Variants in ZNF280D observed in about 807,000 individuals in gnomAD.
ZNF280D encodes the protein suppressor of hairy wing homolog 4.
A neutral mutation model predicts 94.7 loss-of-function variants in ZNF280D; 39 were observed. The observed-to-expected ratio is 0.41, with a 90% CI of 0.32 to 0.54. The LOEUF (loss-of-function observed/expected upper bound fraction) is 0.54. Among genes scored for constraint, ZNF280D ranks in the 20% least tolerant of loss-of-function variants. The probability of loss-of-function intolerance (pLI) is 0.22; values close to 1 mark genes in which losing one functional copy is unlikely to be tolerated. For synonymous variants in ZNF280D, 398 were observed against 377.6 expected (o/e 1.05, Z -0.63); for missense variants, 1,090 against 1,149.3 (o/e 0.95, Z 0.75).
rs371212506 is a variant in ZNF280D at position 56,722,477 on chromosome 15, A to G, written c.-86+10981T>C. 1.4e-4 allele frequency among the ~76,000 whole-genome samples: 22 copies of G among 152,352 alleles called. No individual in the cohort carries two copies. The East Asian group carries it at 3.9e-3, about 27-fold the overall frequency. ...TCCCCTGAAAAATTATGTCTACAGCATTATTCATAATAGCCAAAAAAGCAG... is the reference window on the plus strand; with the variant it reads ...TCCCCTGAAAAATTATGTCTACAGCGTTATTCATAATAGCCAAAAAAGCAG... On this transcript the variant is annotated intron_variant, in intron 1 of 21. Coordinates refer to ENST00000267807, the MANE Select transcript of ZNF280D (RefSeq NM_017661.4).
At chr15:56,656,988 T>C (rs1236583354) in intron 17 of ZNF280D, among the ~76,000 whole-genome samples, 2 of 152,088 alleles carry the variant, frequency 1.3e-5, no homozygotes, top group Non-Finnish European at 1.5e-5. Context: ...AAACTAGGCA[T>C]AGGAAATAAT....
chr15:56,631,896 C>T lies in ZNF280D; in HGVS notation c.2542G>A (p.Glu848Lys). The change falls in exon 22 of 22, where the codon GAA becomes AAA. Residue 848 changes from glutamate (E) to lysine (K), a missense_variant. Physicochemically the swap from Glu to Lys is moderately conservative, Grantham distance 56. Around this residue, in one of 3 missense-constraint regions of ZNF280D, gnomAD observed 577 missense variants for 568.8 expected, o/e 1.01. Transcript: ENST00000267807. The part of the protein sequence containing the change: ...KKKQIQHVCQ[E>K]MELKMCQSSE... ...CTTTGGCACATCTTCAACTCCATTTCCTGACAAACGTGTTGTATTTGTTTT... is the reference window on the plus strand; with the variant it reads ...CTTTGGCACATCTTCAACTCCATTTTCTGACAAACGTGTTGTATTTGTTTT... 1 of 1,613,762 alleles carries T rather than the reference C, an allele frequency of 6.2e-7. No individual in the cohort carries two copies. Among genetic ancestry groups the T allele is most frequent in the Non-Finnish European group, 8.5e-7 (1 of 1,179,994 alleles).
At chr15:56,698,921 C>T (rs2056902556) in intron 6 of ZNF280D, 1 of 152,148 alleles carries the variant, frequency 6.6e-6, no homozygotes, top group Non-Finnish European at 1.5e-5. Flanking sequence ...TCAGATGAAA[C>T]TGCAACTTCA....
intron 1 of ZNF280D, among the ~76,000 whole-genome samples, chr15:56,719,263 G>A (rs190123553): frequency 5.2e-4 from 79 of 152,026 alleles, no homozygotes; most frequent in African/African-American, 1.9e-3. Context: ...CTCACCAATG[G>A]CTTGGTGCTG....
At chr15:56,663,432 G>C (rs964763036) in intron 16 of ZNF280D, among the ~76,000 whole-genome samples, 2 of 152,150 alleles carry the variant, frequency 1.3e-5, no homozygotes, top group African/African-American at 4.8e-5. Flanking sequence ...GTTAGTACGG[G>C]ATAGGAATTA....
intron 10 of ZNF280D, among the ~76,000 whole-genome samples, chr15:56,681,359 G>A (rs550891046): frequency 3.1e-4 from 47 of 152,210 alleles, no homozygotes; most frequent in African/African-American, 1.1e-3. Context: ...CAAACACAAT[G>A]CAGATTACCT....
At position 56,631,292 on chromosome 15, in the gene ZNF280D, A is replaced by G. The variant is rs2052058304; in HGVS notation, c.*206T>C. On this transcript the variant is annotated 3_prime_UTR_variant, in exon 22 of 22. Coordinates refer to ENST00000267807, the MANE Select transcript of ZNF280D (RefSeq NM_017661.4). ...ATTAAAATCCTGTTCGTGTTTTTAA[A>G]AACTTTTTGGGAATCCCTACTAATC... The G allele has an allele frequency of 4.0e-6, 2 of 499,008 alleles. No individual in the cohort carries two copies. Among genetic ancestry groups the G allele is most frequent in the South Asian group, 8.5e-5 (2 of 23,626 alleles). The allele number at this position is 499,008 out of a possible 1,614,324, so 30.9% of individuals were successfully genotyped here.
chr15:56,692,442 T>A (rs2056476676), intron 7 of ZNF280D, among the ~76,000 whole-genome samples: 1 of 152,066 alleles, frequency 6.6e-6, no homozygotes, highest in Non-Finnish European at 1.5e-5. Context: ...AGTAACTGCC[T>A]TGATTACAGG....
intron 1 of ZNF280D, chr15:56,724,939 T>A (rs1384679768): frequency 2.2e-6 from 1 of 451,368 alleles, no homozygotes; most frequent in Admixed American, 2.4e-5. Context: ...ATGAAGGCCT[T>A]TCTAGCAGCA....
intron 20 of ZNF280D, 187 bp from the exon 21 acceptor site, chr15:56,635,437 T>C (rs1202297499): frequency 5.3e-6 from 1 of 188,792 alleles, no homozygotes; most frequent in Non-Finnish European, 1.1e-5. Flanking sequence ...TTTGAAAATG[T>C]TTTTAAACCT....
chr15:56,645,316 T>C (rs2052826595), intron 19 of ZNF280D: 1 of 152,180 alleles, frequency 6.6e-6, no homozygotes, highest in African/African-American at 2.4e-5. Flanking sequence ...TATAGTGTAG[T>C]ATTTATAGCA....
intron 17 of ZNF280D, among the ~76,000 whole-genome samples, chr15:56,655,064 T>C (rs571074233): frequency 6.6e-6 from 1 of 152,312 alleles, no homozygotes; most frequent in Admixed American, 6.5e-5. Flanking sequence ...CCACCATCGA[T>C]TGTACATTAT....
intron 1 of ZNF280D, among the ~76,000 whole-genome samples, chr15:56,711,522 G>A (rs916610254): frequency 3.3e-5 from 5 of 151,992 alleles, no homozygotes; most frequent in Non-Finnish European, 5.9e-5. Flanking sequence ...AAAATTAGCC[G>A]GGCATGGTGG....
chr15:56,705,712 C>T (rs2057361149), intron 3 of ZNF280D, among the ~76,000 whole-genome samples: 1 of 152,126 alleles, frequency 6.6e-6, no homozygotes, highest in African/African-American at 2.4e-5. Flanking sequence ...CTGAACTACA[C>T]TGATAATCAA....
At chr15:56,699,330 C>T in intron 6 of ZNF280D, 3 of 924,874 alleles carry the variant, frequency 3.2e-6, no homozygotes, top group Non-Finnish European at 3.9e-6. Flanking sequence ...AAATATAGCT[C>T]ACACCTCTCA....
intron 10 of ZNF280D, among the ~76,000 whole-genome samples, chr15:56,680,620 G>C (rs1046160855): frequency 4.7e-5 from 7 of 149,084 alleles, no homozygotes; most frequent in African/African-American, 1.6e-4. Context: ...GGGACTACAG[G>C]TGCACGTCAC....
chr15:56,717,844 G>A (rs2058128189), intron 1 of ZNF280D, among the ~76,000 whole-genome samples: 1 of 151,848 alleles, frequency 6.6e-6, no homozygotes, highest in African/African-American at 2.4e-5. Flanking sequence ...CAGGAATACT[G>A]GAATATTTGG....
intron 17 of ZNF280D, among the ~76,000 whole-genome samples, chr15:56,656,872 G>C (rs550086877): frequency 6.6e-6 from 1 of 152,234 alleles, no homozygotes; most frequent in Admixed American, 6.5e-5. Flanking sequence ...AAAGCAAAGG[G>C]AAGAGGATAC....
intron 19 of ZNF280D, among the ~76,000 whole-genome samples, chr15:56,649,224 A>C (rs1015062321): frequency 1.3e-4 from 20 of 152,122 alleles, no homozygotes; most frequent in African/African-American, 4.8e-4. Context: ...TTTATAATCT[A>C]TAAGCAACAA....
Sources: gnomAD v4.1 joint callset for allele counts (sites outside exome capture counted in the v4.1 genomes callset) on GRCh38, gnomAD v4.1.1 for gene constraint, gnomAD v4.1.1 regional missense constraint, MANE v1.5 for transcripts, NCBI Gene and HGNC (gene_info 2026-07-23, HGNC 2026-07-21) for gene names.